The following CHMP7 variants were observed in gnomAD, a reference collection of about 807,000 sequenced individuals.
CHMP7 encodes CHMP family, member 7.
Under a neutral mutation model 53.7 loss-of-function variants are expected in CHMP7, and 15 were observed. The ratio of observed to expected loss-of-function variants is 0.28; its 90% CI spans 0.19 to 0.43. CHMP7 has a LOEUF of 0.43. CHMP7 is among the 20% of genes least tolerant of loss of function. CHMP7 has a pLI of 1.00. For missense variants in CHMP7, 527 were observed against 569.4 expected (o/e 0.93, Z 0.76); for synonymous variants, 261 against 228.0 (o/e 1.14, Z -1.30).
intron 6 of CHMP7, 81 bp downstream of exon 6, chr8:23,258,162 G>T (rs1279367681): frequency 1.1e-5 from 16 of 1,463,554 alleles, no homozygotes; most frequent in African/African-American, 1.4e-5. Context: ...AGAGCAGCTT[G>T]CTGGGGTTTT....
intron 1 of CHMP7, among the ~76,000 whole-genome samples, chr8:23,244,367 G>T (rs1483922397): frequency 6.6e-6 from 1 of 152,154 alleles, no homozygotes; most frequent in African/African-American, 2.4e-5. Flanking sequence ...TTGCATGTAG[G>T]TGTACAGTTG....
chr8:23,251,553 C>T (rs1420558311), intron 3 of CHMP7, among the ~76,000 whole-genome samples: 2 of 152,154 alleles, frequency 1.3e-5, no homozygotes, highest in Non-Finnish European at 2.9e-5. Context: ...GTGCCTGATA[C>T]CTGGTAGACA....
chr8:23,247,870 C>G (rs886132558), intron 2 of CHMP7: 4 of 356,622 alleles, frequency 1.1e-5, no homozygotes, highest in African/African-American at 8.6e-5. Context: ...TGATACCTCT[C>G]TCAGTGAGGG....
rs1450944406 is a variant in CHMP7 at position 23,260,190 on chromosome 8, G to T, written c.1167G>T (p.Gln389His). 1.9e-6 allele frequency: 3 copies of T among 1,614,144 alleles called. No individual in the cohort carries two copies. The South Asian group carries it at 3.3e-5, about 18-fold the overall frequency. Reference sequence around the variant, plus strand: ...AGAAGGAATTGGACATCCTCCTTCAGGATACCACCAAAGAACCTTTGGATC... The same window carrying T: ...AGAAGGAATTGGACATCCTCCTTCATGATACCACCAAAGAACCTTTGGATC... ...ELEKELDILL[Q>H]DTTKEPLDLP... Residue 389 changes from glutamine to histidine, a missense_variant, in exon 10 of 11, where the codon CAG (glutamine) becomes CAT (histidine). Physicochemically the swap from Gln to His is conservative, Grantham distance 24. Coordinates refer to ENST00000397677, the MANE Select transcript of CHMP7 (RefSeq NM_152272.5).
At chr8:23,247,028 C>T in intron 2 of CHMP7, 34 bp downstream of exon 2, 6 of 1,413,450 alleles carry the variant, frequency 4.2e-6, no homozygotes, top group Non-Finnish European at 5.6e-6. Flanking sequence ...GCCGCGAGGG[C>T]GGGCGGGGGC....
chr8:23,258,890 C>G (rs1802250723), intron 8 of CHMP7, 60 bp downstream of exon 8: 1 of 1,226,868 alleles, frequency 8.2e-7, no homozygotes, highest in Admixed American at 1.7e-5. Context: ...ACAGATTTGA[C>G]TTCATTGCAC....
At chr8:23,250,695 T>C (rs993001969) in intron 3 of CHMP7, among the ~76,000 whole-genome samples, 1 of 151,076 alleles carries the variant, frequency 6.6e-6, no homozygotes, top group African/African-American at 2.4e-5. Context: ...CAAAGGACAC[T>C]GCAGAGAATA....
At chr8:23,257,891 C>T in intron 5 of CHMP7, 142 bp from the exon 6 acceptor site, 1 of 651,804 alleles carries the variant, frequency 1.5e-6, no homozygotes, top group Non-Finnish European at 2.8e-6. Context: ...TTGCCGTCAG[C>T]ATCAGTTTTC....
intron 3 of CHMP7, among the ~76,000 whole-genome samples, chr8:23,252,942 C>G (rs755342584): frequency 6.6e-6 from 1 of 152,172 alleles, no homozygotes; most frequent in Non-Finnish European, 1.5e-5. Context: ...AATGAAAACT[C>G]GATGTCTGTG....
At chr8:23,245,324 G>C (rs1224440380) in intron 1 of CHMP7, among the ~76,000 whole-genome samples, 1 of 152,160 alleles carries the variant, frequency 6.6e-6, no homozygotes, top group Non-Finnish European at 1.5e-5. Context: ...AGAGTGCCGA[G>C]ACTTTTTATC....
chr8:23,260,124 A>G lies in CHMP7; in HGVS notation c.1121-20A>G, dbSNP rs754091546. 1.4e-5 allele frequency: 23 copies of G among 1,606,076 alleles called. No individual in the cohort carries two copies. The highest frequency in any genetic ancestry group is 1.9e-5 in the Non-Finnish European group (22 of 1,172,946). On this transcript the variant is annotated intron_variant, in intron 9 of 10. Transcript: ENST00000397677. The stretch of plus-strand genomic sequence containing the variant: ...TTCTCCCTTGAGTTTATGCATCTTT[A>G]TGTTGTCTTTTCTTTCCAGATTTTG...
chr8:23,251,218 T>C (rs374341059), intron 3 of CHMP7, among the ~76,000 whole-genome samples: 10 of 152,254 alleles, frequency 6.6e-5, no homozygotes, highest in East Asian at 1.9e-4. Flanking sequence ...AAATTTTTTT[T>C]CCCAAGTCCA....
At chr8:23,258,273 TC>T (rs1802217766) in intron 6 of CHMP7, 56 bp from the exon 7 acceptor site, 3 of 1,609,284 alleles carry the variant, frequency 1.9e-6, no homozygotes, top group Non-Finnish European at 2.6e-6. Flanking sequence ...AGGGCTGTCT[TC>T]CTCTTGCCCT....
chr8:23,254,081 GCCGCATTGA>G (rs1802033753), intron 3 of CHMP7, among the ~76,000 whole-genome samples: 2 of 151,876 alleles, frequency 1.3e-5, no homozygotes, highest in African/African-American at 4.8e-5. Context: ...TTGTACACGT[GCCGCATTGA>G]CCCACCCTTC....
intron 4 of CHMP7, among the ~76,000 whole-genome samples, chr8:23,256,050 G>A (rs962384868): frequency 3.9e-5 from 6 of 152,088 alleles, no homozygotes; most frequent in African/African-American, 1.4e-4. Context: ...GTAAACCACC[G>A]TGCCTGGCCT....
Position 23,246,598 on chromosome 8 carries a change from G to A in CHMP7, c.-98G>A. The A allele has an allele frequency of 9.8e-7, 1 of 1,022,242 alleles. No individual in the cohort carries two copies. The highest frequency in any genetic ancestry group is 1.6e-5 in the South Asian group (1 of 62,340). 63.3% of individuals were successfully genotyped at this position (1,022,242 alleles called of 1,614,324 possible). A position where few individuals can be genotyped will look rare whatever the true frequency, so the allele number is the denominator to read the frequency against. ...CAGGGCGGCGGTGACGTGTGAACGA[G>A]AAGGAGGTGGTCAAGGAACGGAAGC... On this transcript the variant is annotated 5_prime_UTR_variant, in exon 2 of 11. Transcript: ENST00000397677.
intron 4 of CHMP7, 27 bp downstream of exon 4, chr8:23,255,459 T>G: frequency 1.9e-6 from 3 of 1,608,468 alleles, no homozygotes; most frequent in Non-Finnish European, 2.6e-6. Context: ...GTTCATTCAC[T>G]GACTCAGCAG....
At chr8:23,259,642 G>A (rs1802300585) in intron 9 of CHMP7, among the ~76,000 whole-genome samples, 1 of 152,302 alleles carries the variant, frequency 6.6e-6, no homozygotes, top group East Asian at 1.9e-4. Flanking sequence ...ACAGGTGTGA[G>A]CCACCACACC....
At position 23,255,229 on chromosome 8, in the gene CHMP7, A is replaced by T. The variant is rs192677597; in HGVS notation, c.472-18A>T. 1 of 1,613,682 alleles carries T rather than the reference A, an allele frequency of 6.2e-7. No homozygotes were observed. Among genetic ancestry groups the T allele is most frequent in the Admixed American group, 1.7e-5 (1 of 59,990 alleles). On this transcript the variant is annotated intron_variant, in intron 3 of 10. Coordinates refer to ENST00000397677, the MANE Select transcript of CHMP7 (RefSeq NM_152272.5). Reference sequence around the variant, plus strand: ...GGCAGTGGCCAGGGCCTGTCAGCCAATGTTGCCTTTCCCACAGGAAAAGGC... The same window carrying T: ...GGCAGTGGCCAGGGCCTGTCAGCCATTGTTGCCTTTCCCACAGGAAAAGGC...
Sources: allele counts gnomAD v4.1 joint callset (sites outside exome capture counted in the v4.1 genomes callset), GRCh38; gene constraint gnomAD v4.1.1; transcripts MANE v1.5; gene names NCBI Gene and HGNC (gene_info 2026-07-23, HGNC 2026-07-21).